AP3S2: variants seen among roughly 807,000 people sequenced by gnomAD.
AP3S2 encodes the protein AP-3 complex subunit sigma-2.
Under a neutral mutation model 23.4 loss-of-function variants are expected in AP3S2, and 22 were observed. The ratio of observed to expected loss-of-function variants is 0.94; its 90% confidence interval spans 0.67 to 1.34. The LOEUF is 1.34. Among genes scored for constraint, AP3S2 ranks in the 40% most tolerant of loss-of-function variants. AP3S2 has a pLI of 0.00. For missense variants in AP3S2, 241 were observed against 236.9 expected, an observed-to-expected ratio of 1.02 and a Z score of -0.11; for synonymous variants, 86 against 87.1, an observed-to-expected ratio of 0.99 and a Z score of 0.07.
intron 4 of AP3S2, among the ~76,000 whole-genome samples, chr15:89,856,997 T>G (rs754175274): frequency 6.6e-6 from 1 of 152,188 alleles, no homozygotes; most frequent in Non-Finnish European, 1.5e-5. Flanking sequence ...AACAAAGTAT[T>G]ACATACTGAC....
At chr15:89,875,751 C>T (rs1896428089) in intron 3 of AP3S2, among the ~76,000 whole-genome samples, 1 of 152,140 alleles carries the variant, frequency 6.6e-6, no homozygotes, top group African/African-American at 2.4e-5. Flanking sequence ...AAGTTTGAGA[C>T]CAGCTTGAGC....
intron 3 of AP3S2, among the ~76,000 whole-genome samples, chr15:89,885,128 A>G (rs1282698859): frequency 5.3e-5 from 8 of 152,132 alleles, no homozygotes; most frequent in Non-Finnish European, 8.8e-5. Context: ...TTCTTTTTTT[A>G]ACATCTATTA....
chr15:89,871,367 G>C (rs1896314084), intron 4 of AP3S2, 108 bp downstream of exon 4: 2 of 1,026,144 alleles, frequency 1.9e-6, no homozygotes, highest in African/African-American at 3.3e-5. Flanking sequence ...TATCTTAAGA[G>C]TAAAAAAAAA....
intron 4 of AP3S2, among the ~76,000 whole-genome samples, chr15:89,847,375 C>CAAA (rs11314336): frequency 1.3e-4 from 8 of 62,594 alleles, no homozygotes; most frequent in Non-Finnish European, 1.9e-4. Flanking sequence ...GACCCTGTTA[C>CAAA]AAAAAAAAAA....
chr15:89,891,995 T>C (rs1337923985), intron 1 of AP3S2, among the ~76,000 whole-genome samples: 3 of 152,138 alleles, frequency 2.0e-5, no homozygotes, highest in Non-Finnish European at 4.4e-5. Context: ...AACTTATAAA[T>C]TGACAATCAA....
At position 89,870,829 on chromosome 15, in the gene AP3S2, A is replaced by G. The variant is rs186588230; in HGVS notation, c.345+646T>C. On this transcript the variant is annotated intron_variant, in intron 4 of 5. Coordinates refer to ENST00000336418, the MANE Select transcript of AP3S2 (RefSeq NM_005829.5). The stretch of plus-strand genomic sequence containing the variant: ...ACTGCACAGGGGACAGCATGTGGTA[A>G]GTTGAATAAAATAAACATGGCAATT... 6.3e-4 allele frequency among the ~76,000 whole-genome samples: 96 copies of G among 152,342 alleles called. No individual in the cohort carries two copies. The South Asian group carries it at 0.012, about 20-fold the overall frequency.
At chr15:89,878,134 A>T (rs192633273) in intron 3 of AP3S2, 1 of 505,450 alleles carries the variant, frequency 2.0e-6, no homozygotes, top group East Asian at 3.3e-5. Context: ...TGTTATGCAG[A>T]TGTTCGTTAG....
chr15:89,892,907 G>C (rs1896852731), intron 1 of AP3S2, among the ~76,000 whole-genome samples: 1 of 152,060 alleles, frequency 6.6e-6, no homozygotes, highest in African/African-American at 2.4e-5. Context: ...CTCGTGATCC[G>C]CCCGCCTCGG....
intron 4 of AP3S2, among the ~76,000 whole-genome samples, chr15:89,859,513 G>A (rs1278219855): frequency 1.4e-5 from 2 of 145,200 alleles, no homozygotes; most frequent in Non-Finnish European, 3.0e-5. Context: ...CCTGCCTCAC[G>A]TCTCCCGTGT....
At chr15:89,836,654 A>G (rs747741549) in intron 5 of AP3S2, among the ~76,000 whole-genome samples, 5 of 151,834 alleles carry the variant, frequency 3.3e-5, no homozygotes, top group Non-Finnish European at 5.9e-5. Context: ...TCTCACAATC[A>G]TTTTTCCCCT....
At position 89,873,299 on chromosome 15, in the gene AP3S2, T is replaced by TC. The variant is rs1174817064; in HGVS notation, c.274-1754_274-1753insG. ...TCTGTCTGTCTTCTTTTTTTTTTTT[T>TC]TTTGAGACAGACTCTCGCTCTGTTG... On this transcript the variant is annotated intron_variant, in intron 3 of 5. Transcript: ENST00000336418. 2.6e-5 allele frequency among the ~76,000 whole-genome samples: 4 copies of TC among 151,852 alleles called. No homozygotes were observed. In the East Asian group the frequency reaches 7.7e-4, roughly 29 times the overall value.
rs1895992363 is a variant in AP3S2 at position 89,860,705 on chromosome 15, A to C, written c.345+10770T>G. Among the ~76,000 whole-genome samples the C allele has an allele frequency of 2.0e-5, 3 of 152,166 alleles. No individual in the cohort carries two copies. The South Asian group carries it at 6.2e-4, about 32-fold the overall frequency. ...GGCCTTTCTGTATGTAAGATAATAA[A>C]TTTCCTTATTACTTAAGCCAAAAAA... On this transcript the variant is annotated intron_variant, in intron 4 of 5. Coordinates refer to ENST00000336418, the MANE Select transcript of AP3S2 (RefSeq NM_005829.5).
chr15:89,855,852 A>G, intron 4 of AP3S2, among the ~76,000 whole-genome samples: 1 of 143,000 alleles, frequency 7.0e-6, no homozygotes, highest in Non-Finnish European at 1.5e-5. Context: ...CTCCATCAGA[A>G]AAAAAAAAAA....
rs928333274 is a variant in AP3S2, at chr15:89,856,683, C to T, written c.345+14792G>A. Among the ~76,000 whole-genome samples, 8 of 117,650 alleles carry T rather than the reference C, an allele frequency of 6.8e-5. No homozygotes were observed. The Admixed American group carries it at 9.1e-4, about 13-fold the overall frequency. 77.2% of individuals were successfully genotyped at this position (117,650 alleles called of 152,430 possible). A position where few individuals can be genotyped will look rare whatever the true frequency, so the allele number is the denominator to read the frequency against. ...CACCACTGCACTCCAGCCTGGATGA[C>T]AGAGTGAGACTCCATCTCAAAAAAA... On this transcript the variant is annotated intron_variant, in intron 4 of 5. Transcript: ENST00000336418.
At chr15:89,851,017 G>T (rs1895638336) in intron 4 of AP3S2, among the ~76,000 whole-genome samples, 2 of 145,890 alleles carry the variant, frequency 1.4e-5, no homozygotes, top group African/African-American at 2.4e-5. Context: ...TTCACTAAAA[G>T]AACATAATCT....
chr15:89,854,392 TGGG>T (rs1895754156), intron 4 of AP3S2, among the ~76,000 whole-genome samples: 1 of 29,624 alleles, frequency 3.4e-5, no homozygotes, highest in African/African-American at 1.4e-4. Context: ...GGGAGGGAGG[TGGG>T]GGGGTCAGCC....
At chr15:89,854,038 G>A (rs1411931341) in intron 4 of AP3S2, among the ~76,000 whole-genome samples, 2 of 44,798 alleles carry the variant, frequency 4.5e-5, no homozygotes, top group Non-Finnish European at 9.2e-5. Context: ...TCAGCCCCCC[G>A]CCCGGCCAGC....
At chr15:89,845,177 G>C (rs1895456517) in intron 4 of AP3S2, 1 of 152,188 alleles carries the variant, frequency 6.6e-6, no homozygotes, top group African/African-American at 2.4e-5. Context: ...AAAGTCCTAG[G>C]ATTACAGGCG....
intron 4 of AP3S2, among the ~76,000 whole-genome samples, chr15:89,843,118 G>A (rs1895372234): frequency 6.8e-6 from 1 of 146,910 alleles, no homozygotes; most frequent in Non-Finnish European, 1.5e-5. Flanking sequence ...CTGAGTAGCT[G>A]GGATTACAGG....
Sources: allele counts gnomAD v4.1 joint callset (sites outside exome capture counted in the v4.1 genomes callset), GRCh38; gene constraint gnomAD v4.1.1; transcripts MANE v1.5; gene names NCBI Gene and HGNC (gene_info 2026-07-23, HGNC 2026-07-21).